The following ITPK1 variants were observed in gnomAD, a reference collection of about 807,000 sequenced individuals.
The protein encoded by ITPK1 is inositol-tetrakisphosphate 1-kinase, also known as inositol 1,3,4-trisphosphate 5/6-kinase.
ITPK1 carries 21 observed loss-of-function variants against 45.3 expected under a neutral mutation model. The observed-to-expected ratio is 0.46, with a 90% CI of 0.33 to 0.67. ITPK1 has a LOEUF of 0.67. Ranked by LOEUF, ITPK1 falls within the 30% of genes least tolerant of loss-of-function variation. The pLI is 0.02. For missense variants in ITPK1, 474 were observed against 573.5 expected (o/e 0.83, Z 1.77); for synonymous variants, 258 against 253.6 (o/e 1.02, Z -0.16).
chr14:92,990,882 C>A (rs1232337280), intron 5 of ITPK1, among the ~76,000 whole-genome samples: 3 of 152,190 alleles, frequency 2.0e-5, no homozygotes, highest in African/African-American at 7.2e-5. Context: ...GGGCTCTGGT[C>A]GTCTCCCTCC....
chr14:93,057,857 T>C (rs949152472), intron 3 of ITPK1, among the ~76,000 whole-genome samples: 2 of 152,176 alleles, frequency 1.3e-5, no homozygotes, highest in Admixed American at 6.5e-5. Context: ...GGCACCTTGA[T>C]GGAGAGAAAA....
intron 4 of ITPK1, among the ~76,000 whole-genome samples, chr14:92,997,797 GC>G (rs1481295877): frequency 6.6e-6 from 1 of 152,200 alleles, no homozygotes; most frequent in Non-Finnish European, 1.5e-5. Flanking sequence ...TTCAGCCCCT[GC>G]CAGGATGAGG....
intron 9 of ITPK1, among the ~76,000 whole-genome samples, chr14:92,951,464 C>T (rs1288404672): frequency 6.6e-6 from 1 of 152,210 alleles, no homozygotes; most frequent in East Asian, 1.9e-4. Context: ...CTGGCCACAG[C>T]AACACTCACT....
At chr14:93,083,754 A>G (rs1891538874) in intron 2 of ITPK1, among the ~76,000 whole-genome samples, 1 of 152,034 alleles carries the variant, frequency 6.6e-6, no homozygotes, top group South Asian at 2.1e-4. Flanking sequence ...TGATGGCCAC[A>G]CTGTTCCCTT....
intron 2 of ITPK1, among the ~76,000 whole-genome samples, chr14:93,098,452 G>C (rs945855566): frequency 1.5e-5 from 2 of 131,842 alleles, no homozygotes; most frequent in African/African-American, 6.5e-5. Context: ...GCGAGATTCC[G>C]TCTCAAAAAA....
intron 3 of ITPK1, among the ~76,000 whole-genome samples, chr14:93,053,158 TA>T (rs1035235683): frequency 6.0e-5 from 9 of 150,606 alleles, no homozygotes; most frequent in South Asian, 2.1e-4. Flanking sequence ...AAAATAATAA[TA>T]AAAAAAAACC....
chr14:92,940,473 G>A lies in ITPK1; in HGVS notation c.*1088C>T. ...GGGGGCGGGTGGCTCCCTGGCACCT[G>A]CTGGCTCAGTGCTTGGGGCTTGCAA... On this transcript the variant is annotated 3_prime_UTR_variant, in exon 11 of 11. Transcript: ENST00000267615. 7 of 1,122,078 alleles carry A rather than the reference G, an allele frequency of 6.2e-6. No homozygotes were observed. Among genetic ancestry groups the A allele is most frequent in the Non-Finnish European group, 7.7e-6 (7 of 907,900 alleles). 69.5% of individuals were successfully genotyped at this position (1,122,078 alleles called of 1,614,324 possible).
At chr14:93,029,599 G>A (rs1329871057) in intron 3 of ITPK1, among the ~76,000 whole-genome samples, 2 of 152,118 alleles carry the variant, frequency 1.3e-5, no homozygotes, top group African/African-American at 2.4e-5. Context: ...AGGCAGCTGT[G>A]CTTTTAGCCA....
chr14:93,001,776 C>T (rs566275364), intron 4 of ITPK1, among the ~76,000 whole-genome samples: 120 of 152,318 alleles, frequency 7.9e-4, no homozygotes, highest in Admixed American at 1.4e-3. Context: ...AGCACAATTT[C>T]ACTCCCCTGG....
intron 3 of ITPK1, among the ~76,000 whole-genome samples, chr14:93,064,065 C>T (rs867022784): frequency 2.6e-5 from 4 of 152,162 alleles, no homozygotes; most frequent in Middle Eastern, 3.4e-3. Flanking sequence ...GGGTGGATCA[C>T]GAGGTCAGGA....
Position 92,941,849 on chromosome 14 carries a change from G to A in ITPK1, c.957C>T (p.Val319=), listed in dbSNP as rs2139691812. Residue 319 remains valine, a synonymous_variant, in exon 11 of 11, where the codon GTC becomes GTT. Transcript: ENST00000267615. ...CCATGGCTGTGCTCTGGCCCTGCAG[G>A]ACAGTGGCGATGTGGTTCAGGAGGT... ...FTDLLNHIAT[V]LQGQSTAMAA... The A allele has an allele frequency of 6.2e-7, 1 of 1,612,634 alleles. No homozygotes were observed. Among genetic ancestry groups the A allele is most frequent in the Non-Finnish European group, 8.5e-7 (1 of 1,179,912 alleles).
chr14:92,970,425 T>A (rs1468525541), intron 5 of ITPK1, among the ~76,000 whole-genome samples: 1 of 152,168 alleles, frequency 6.6e-6, no homozygotes, highest in Non-Finnish European at 1.5e-5. Context: ...CTGGTCCACA[T>A]CCCAGGGCGC....
chr14:93,025,774 T>G (rs752887857), intron 3 of ITPK1, among the ~76,000 whole-genome samples: 4 of 151,878 alleles, frequency 2.6e-5, no homozygotes, highest in Non-Finnish European at 5.9e-5. Context: ...TCCTCCCTTT[T>G]TCACAATTTT....
rs1295199718 is a variant in ITPK1 at position 92,937,177 on chromosome 14, G to C, written c.*4384C>G. On this transcript the variant is annotated 3_prime_UTR_variant, in exon 11 of 11. Coordinates refer to ENST00000267615, the MANE Select transcript of ITPK1 (RefSeq NM_014216.6). ...CCAATGGACAGAAGCCATGGTGTCTGTATCTCATACATGGTCATGTATATT... is the reference window on the plus strand; with the variant it reads ...CCAATGGACAGAAGCCATGGTGTCTCTATCTCATACATGGTCATGTATATT... 6.6e-6 allele frequency: 1 copy of C among 152,288 alleles called. No homozygotes were observed. The highest frequency in any genetic ancestry group is 1.9e-4 in the East Asian group (1 of 5,208). The allele number at this position is 152,288 out of a possible 1,614,324, so 9.4% of individuals were successfully genotyped here. A position where few individuals can be genotyped will look rare whatever the true frequency, so the allele number is the denominator to read the frequency against.
intron 2 of ITPK1, among the ~76,000 whole-genome samples, chr14:93,088,346 T>TTG (rs1287617531): frequency 0.015 from 2,246 of 148,796 alleles, 85 homozygotes; most frequent in African/African-American, 0.053. Context: ...GTTTTGTTTT[T>TTG]TTTTTTTTTT....
intron 2 of ITPK1, among the ~76,000 whole-genome samples, chr14:93,098,402 A>C (rs1188343145): frequency 6.6e-6 from 1 of 151,342 alleles, no homozygotes; most frequent in African/African-American, 2.4e-5. Flanking sequence ...GCTTGTAGTG[A>C]GCCGAGATCA....
chr14:93,090,314 C>T (rs61991673), intron 2 of ITPK1, among the ~76,000 whole-genome samples: 5,518 of 152,302 alleles, frequency 0.036, 269 homozygotes, highest in Admixed American at 0.15. Context: ...ATGCACAACA[C>T]GGAAGCCTCT....
At chr14:92,983,165 T>C (rs1831060251) in intron 5 of ITPK1, among the ~76,000 whole-genome samples, 2 of 152,204 alleles carry the variant, frequency 1.3e-5, no homozygotes, top group Admixed American at 6.5e-5. Flanking sequence ...AGACAGGCAT[T>C]TCTGCGCCCG....
chr14:92,968,095 C>T (rs182397662), intron 5 of ITPK1, among the ~76,000 whole-genome samples: 7 of 152,194 alleles, frequency 4.6e-5, no homozygotes, highest in Non-Finnish European at 7.4e-5. Context: ...TTTGGGAGGC[C>T]GAGGTGGGCC....
Sources: allele counts gnomAD v4.1 joint callset (sites outside exome capture counted in the v4.1 genomes callset), GRCh38; gene constraint gnomAD v4.1.1; transcripts MANE v1.5; gene names NCBI Gene and HGNC (gene_info 2026-07-23, HGNC 2026-07-21).